The following CHLSN variants were observed in gnomAD, a reference collection of about 807,000 sequenced individuals.
The protein encoded by CHLSN is cholesin, also known as protein cholesin.
chr7:984,831 G>A, the CHLSN span: 519 of 1,360,660 alleles, frequency 3.8e-4, 1 homozygote, highest in Non-Finnish European at 4.9e-4. Flanking sequence ...GAGTGGGGAT[G>A]GGGGTGAGGG....
chr7:1,016,800 CA>C, the CHLSN span, among the ~76,000 whole-genome samples: 16 of 103,142 alleles, frequency 1.6e-4, 1 homozygote, highest in African/African-American at 8.0e-4. Context: ...CAGCAGCACA[CA>C]GCAGCACACA....
the CHLSN span, chr7:1,028,456 C>A: frequency 2.6e-4 from 257 of 985,476 alleles, no homozygotes; most frequent in African/African-American, 4.2e-3. Flanking sequence ...TGGACCTCGG[C>A]GCGGGGGTGG....
At chr7:1,080,231 C>T in the CHLSN span, among the ~76,000 whole-genome samples, 54 of 152,272 alleles carry the variant, frequency 3.5e-4, no homozygotes, top group African/African-American at 1.3e-3. Context: ...TAAAATTACG[C>T]TCACATGAAA....
chr7:1,053,323 T>C, the CHLSN span, among the ~76,000 whole-genome samples: 1 of 152,086 alleles, frequency 6.6e-6, no homozygotes, highest in Non-Finnish European at 1.5e-5. Context: ...GGGAGGGGCG[T>C]CCACAGTAGA....
the CHLSN span, among the ~76,000 whole-genome samples, chr7:1,033,814 T>C: frequency 6.6e-6 from 1 of 151,336 alleles, no homozygotes. Context: ...GCCTCCTGAG[T>C]GAGGGGAGGA....
the CHLSN span, among the ~76,000 whole-genome samples, chr7:1,009,041 G>GCACACACGTACACACATGCC: frequency 2.0e-5 from 3 of 150,742 alleles, no homozygotes; most frequent in Non-Finnish European, 3.0e-5. Flanking sequence ...GTACACACAT[G>GCACACACGTACACACATGCC]CACACACGTA....
chr7:1,001,135 G>C, the CHLSN span, among the ~76,000 whole-genome samples: 1 of 152,192 alleles, frequency 6.6e-6, no homozygotes, highest in Admixed American at 6.5e-5. Context: ...CTGTGGGTAG[G>C]GCAGGGCCAG....
At chr7:1,028,856 G>T in the CHLSN span, 1 of 750,888 alleles carries the variant, frequency 1.3e-6, no homozygotes, top group South Asian at 6.2e-5. Context: ...TTCCCAGTCT[G>T]CCATCTCCCC....
the CHLSN span, among the ~76,000 whole-genome samples, chr7:1,099,195 G>A: frequency 1.4e-4 from 20 of 143,274 alleles, no homozygotes; most frequent in Non-Finnish European, 2.6e-4. Flanking sequence ...CCGGAGCCTC[G>A]CTGTCGCGTT....
chr7:1,016,153 ACGC>A, the CHLSN span, among the ~76,000 whole-genome samples: 7 of 70,026 alleles, frequency 1.0e-4, no homozygotes, highest in African/African-American at 3.7e-4. Flanking sequence ...ACAGCAGCAC[ACGC>A]CAGCACACAG....
At chr7:1,001,058 G>A in the CHLSN span, among the ~76,000 whole-genome samples, 3,600 of 152,214 alleles carry the variant, frequency 0.024, 141 homozygotes, top group African/African-American at 0.081. Context: ...CAACCACCCC[G>A]CCCCCGTCCC....
the CHLSN span, chr7:986,330 G>A: frequency 1.1e-5 from 5 of 464,876 alleles, no homozygotes; most frequent in Admixed American, 1.5e-4. Flanking sequence ...ACTCACAGGA[G>A]GTTCAAGGTT....
the CHLSN span, chr7:986,295 G>T: frequency 2.9e-6 from 1 of 339,474 alleles, no homozygotes; most frequent in Non-Finnish European, 5.5e-6. Context: ...CAAGGTCTGA[G>T]GTCTGCTCTG....
chr7:1,114,548 G>A, the CHLSN span, among the ~76,000 whole-genome samples: 4 of 152,344 alleles, frequency 2.6e-5, no homozygotes, highest in East Asian at 5.8e-4. Context: ...GCCCCCGCTC[G>A]GCCGCTCATG....
the CHLSN span, among the ~76,000 whole-genome samples, chr7:1,017,451 G>A: frequency 6.6e-6 from 1 of 152,198 alleles, no homozygotes; most frequent in Non-Finnish European, 1.5e-5. Context: ...TGTGCATGAG[G>A]CAGGCGCTGC....
chr7:984,924 T>C, the CHLSN span: 2 of 1,561,222 alleles, frequency 1.3e-6, no homozygotes, highest in Admixed American at 3.6e-5. Flanking sequence ...GAACCTGGGC[T>C]CACCACGCAC....
the CHLSN span, among the ~76,000 whole-genome samples, chr7:1,098,707 G>A: frequency 8.5e-5 from 13 of 152,104 alleles, no homozygotes; most frequent in African/African-American, 1.7e-4. Flanking sequence ...GAGCTGCCAC[G>A]CTTGGTGAGA....
At chr7:998,146 C>T in the CHLSN span, among the ~76,000 whole-genome samples, 2 of 152,126 alleles carry the variant, frequency 1.3e-5, no homozygotes, top group African/African-American at 2.4e-5. Flanking sequence ...AACAAAAAGC[C>T]AAGTACGCGC....
At chr7:988,688 T>C in the CHLSN span, 3 of 1,600,218 alleles carry the variant, frequency 1.9e-6, no homozygotes, top group Admixed American at 5.0e-5. Context: ...CTTCCTGCTG[T>C]TTGCCGGCCT....
Sources: gnomAD v4.1 joint callset for allele counts (sites outside exome capture counted in the v4.1 genomes callset) on GRCh38, gnomAD v4.1.1 for gene constraint, MANE v1.5 for transcripts, NCBI Gene and HGNC (gene_info 2026-07-23, HGNC 2026-07-21) for gene names.